DPYD: variants seen among roughly 807,000 people sequenced by gnomAD.
The protein encoded by DPYD is dihydropyrimidine dehydrogenase.
DPYD carries 109 observed loss-of-function variants against 116.2 expected under a neutral mutation model. That is an observed-to-expected ratio of 0.94 (90% confidence interval 0.80 to 1.10). DPYD has a LOEUF of 1.10. Ranked by LOEUF, DPYD falls within the 50% of genes least tolerant of loss-of-function variation. The pLI is 0.00. For synonymous variants in DPYD, 440 were observed against 432.0 expected (o/e 1.02, Z -0.23); for missense variants, 1,302 against 1,254.5 (o/e 1.04, Z -0.57).
At chr1:97,561,278 GGGCT>G (rs202125983) in intron 11 of DPYD, among the ~76,000 whole-genome samples, 2,130 of 152,266 alleles carry the variant, frequency 0.014, 22 homozygotes, top group Middle Eastern at 0.031. Flanking sequence ...AACAGAAGGA[GGGCT>G]GGCTGGCCTT....
chr1:97,196,739 T>C (rs1216854182), intron 19 of DPYD, among the ~76,000 whole-genome samples: 2 of 152,140 alleles, frequency 1.3e-5, no homozygotes, highest in Non-Finnish European at 2.9e-5. Flanking sequence ...CCAGGCCCCA[T>C]GGTTAGAAAG....
At chr1:97,417,124 G>A (rs575480671) in intron 14 of DPYD, among the ~76,000 whole-genome samples, 2 of 152,200 alleles carry the variant, frequency 1.3e-5, no homozygotes, top group Admixed American at 6.5e-5. Flanking sequence ...TAGTAAAAGA[G>A]CATGGGCTTT....
chr1:97,828,039 T>C (rs1222623495), intron 3 of DPYD, 75 bp downstream of exon 3: 8 of 1,405,024 alleles, frequency 5.7e-6, no homozygotes, highest in African/African-American at 1.4e-5. Context: ...AATGAACTCA[T>C]TTGTTCCCCA....
intron 5 of DPYD, among the ~76,000 whole-genome samples, chr1:97,713,507 A>G (rs1224719071): frequency 6.6e-6 from 1 of 152,066 alleles, no homozygotes; most frequent in Non-Finnish European, 1.5e-5. Context: ...TTCTATTATA[A>G]ATCATTGTGC....
intron 8 of DPYD, among the ~76,000 whole-genome samples, chr1:97,623,958 C>T (rs1041979432): frequency 2.0e-5 from 3 of 151,820 alleles, no homozygotes; most frequent in Non-Finnish European, 4.4e-5. Context: ...TGACCTTGCA[C>T]CATATAAAAA....
chr1:97,558,785 T>C (rs934665929), intron 11 of DPYD, among the ~76,000 whole-genome samples: 1 of 152,280 alleles, frequency 6.6e-6, no homozygotes, highest in Non-Finnish European at 1.5e-5. Context: ...AATTCAGAAT[T>C]AAAATAGTCC....
chr1:97,889,637 A>G (rs1333217208), intron 1 of DPYD, among the ~76,000 whole-genome samples: 1 of 152,102 alleles, frequency 6.6e-6, no homozygotes, highest in African/African-American at 2.4e-5. Flanking sequence ...GAAAGGAAAC[A>G]AATCTTTAAA....
intron 5 of DPYD, among the ~76,000 whole-genome samples, chr1:97,699,930 C>T (rs1661503135): frequency 6.6e-6 from 1 of 152,058 alleles, no homozygotes; most frequent in Non-Finnish European, 1.5e-5. Context: ...GAAAACATGT[C>T]ACATGTAAAC....
intron 1 of DPYD, among the ~76,000 whole-genome samples, chr1:97,893,228 T>C (rs1672863510): frequency 6.6e-6 from 1 of 150,960 alleles, no homozygotes; most frequent in Non-Finnish European, 1.5e-5. Flanking sequence ...AAAATATCTA[T>C]AAATAAGGTA....
intron 18 of DPYD, among the ~76,000 whole-genome samples, chr1:97,270,237 G>C (rs1300966372): frequency 1.3e-5 from 2 of 152,128 alleles, no homozygotes; most frequent in South Asian, 2.1e-4. Flanking sequence ...CCGGAGAATG[G>C]GTTTAGTCTT....
chr1:97,531,313 C>A (rs976572194), intron 12 of DPYD, among the ~76,000 whole-genome samples: 1 of 152,104 alleles, frequency 6.6e-6, no homozygotes, highest in Non-Finnish European at 1.5e-5. Context: ...AGAAAACATT[C>A]CAATTTAATT....
chr1:97,247,275 G>T (rs1330236886), intron 18 of DPYD, among the ~76,000 whole-genome samples: 1 of 152,044 alleles, frequency 6.6e-6, no homozygotes, highest in Non-Finnish European at 1.5e-5. Flanking sequence ...AAAAAACTAG[G>T]AAAGGAAAAA....
chr1:97,920,842 C>G lies in DPYD; in HGVS notation c.39+42G>C, dbSNP rs371738560. ...CGGCACCTACCCGCAGAGCACTCCC[C>G]ACCACCCCGCCACCACCGACGAGCC... On this transcript the variant is annotated intron_variant, in intron 1 of 22. Transcript: ENST00000370192. 7.7e-5 allele frequency: 121 copies of G among 1,571,474 alleles called. No homozygotes were observed. The African/African-American group carries it at 1.4e-3, about 19-fold the overall frequency.
chr1:97,832,569 G>A (rs958535686), intron 2 of DPYD, among the ~76,000 whole-genome samples: 2 of 151,994 alleles, frequency 1.3e-5, no homozygotes, highest in Non-Finnish European at 2.9e-5. Flanking sequence ...TAAATATTTT[G>A]CATGCAACAG....
chr1:97,158,469 C>CAGACACACACA (rs1450882944), intron 20 of DPYD, among the ~76,000 whole-genome samples: 2 of 51,070 alleles, frequency 3.9e-5, no homozygotes, highest in South Asian at 6.2e-4. Context: ...AGATAACTCA[C>CAGACACACACA]CAGACACACA....
chr1:97,152,897 G>A (rs760419833), intron 20 of DPYD, among the ~76,000 whole-genome samples: 13 of 152,044 alleles, frequency 8.6e-5, no homozygotes, highest in Non-Finnish European at 1.5e-4. Context: ...CTCAATTTGA[G>A]TGTGTCCTAG....
intron 20 of DPYD, among the ~76,000 whole-genome samples, chr1:97,148,005 G>A (rs1053686833): frequency 6.6e-6 from 1 of 152,076 alleles, no homozygotes; most frequent in African/African-American, 2.4e-5. Flanking sequence ...GGAGATAAGT[G>A]CAAGGCAAAC....
intron 1 of DPYD, among the ~76,000 whole-genome samples, chr1:97,918,387 T>A (rs950298067): frequency 6.6e-6 from 1 of 152,042 alleles, no homozygotes. Flanking sequence ...CACATTAATA[T>A]ATCTGAAAAA....
intron 18 of DPYD, among the ~76,000 whole-genome samples, chr1:97,235,830 GA>G (rs901021302): frequency 6.6e-6 from 1 of 150,938 alleles, no homozygotes. Context: ...CCCACAATTT[GA>G]AAAAAAATAG....
Sources: gnomAD v4.1 joint callset for allele counts (sites outside exome capture counted in the v4.1 genomes callset) on GRCh38, gnomAD v4.1.1 for gene constraint, MANE v1.5 for transcripts, NCBI Gene and HGNC (gene_info 2026-07-23, HGNC 2026-07-21) for gene names.